Variants in GLB1L3 observed in about 807,000 individuals in gnomAD.
GLB1L3 encodes the protein beta-galactosidase-1-like protein 3.
In GLB1L3, 89 loss-of-function variants were observed where a neutral mutation model predicts 89.5. The observed-to-expected ratio is 0.99, with a 90% CI of 0.84 to 1.19. The LOEUF (loss-of-function observed/expected upper bound fraction) is 1.19, where lower values mean the gene tolerates loss of function less well. Ranked by LOEUF, GLB1L3 falls within the 50% of genes most tolerant of loss-of-function variation. The pLI, the probability that GLB1L3 is intolerant of heterozygous loss-of-function variation, is 0.00. For synonymous variants in GLB1L3, 314 were observed against 312.3 expected (o/e 1.01, Z -0.06); for missense variants, 812 against 813.3 (o/e 1.00, Z 0.02).
At position 134,283,785 on chromosome 11, in the gene GLB1L3, C is replaced by T. The variant is rs200592634; in HGVS notation, c.576C>T (p.Ser192=). 3.7e-6 allele frequency: 6 copies of T among 1,613,236 alleles called. No homozygotes were observed. The highest frequency in any genetic ancestry group is 1.7e-5 in the Admixed American group (1 of 59,950). ...PRLLLRTTNK[S]FIEAVEKYFD... is the part of the protein sequence containing the mutation. Reference sequence around the variant, plus strand: ...TACTGTTGAGGACAACCAACAAGAGCTTCATTGAAGCAGTTGAGAAGTATT... The same window carrying T: ...TACTGTTGAGGACAACCAACAAGAGTTTCATTGAAGCAGTTGAGAAGTATT... The change falls in exon 6 of 20, where the codon AGC becomes AGT. Residue 192 remains serine (S), a synonymous_variant. Transcript: ENST00000431683.
rs541745058 is a variant in GLB1L3, at chr11:134,304,470, T to A, written c.877-2654T>A. On this transcript the variant is annotated intron_variant, in intron 9 of 19. Coordinates refer to ENST00000431683, the MANE Select transcript of GLB1L3 (RefSeq NM_001080407.3). ...ACACAAGTTATGTGTAATGCAAACT[T>A]CTTCTGTCTTACTTTCACATCTCCT... 2.6e-5 allele frequency among the ~76,000 whole-genome samples: 4 copies of A among 152,316 alleles called. No homozygotes were observed. In the East Asian group the frequency reaches 7.7e-4, roughly 29 times the overall value.
At chr11:134,320,171 T>G (rs1280376492), downstream of GLB1L3, among the ~76,000 whole-genome samples, 1 of 152,190 alleles carries the variant, frequency 6.6e-6, no homozygotes, top group Non-Finnish European at 1.5e-5. Flanking sequence ...ATCACCCTGT[T>G]AAATATAGTG....
At position 134,319,086 on chromosome 11, in the gene GLB1L3, C is replaced by G; in HGVS notation, c.*144C>G. 1 of 635,020 alleles carries G rather than the reference C, an allele frequency of 1.6e-6. No individual in the cohort carries two copies. The highest frequency in any genetic ancestry group is 1.9e-5 in the South Asian group (1 of 53,474). The allele number at this position is 635,020 out of a possible 1,614,324, so 39.3% of individuals were successfully genotyped here. On this transcript the variant is annotated 3_prime_UTR_variant, in exon 20 of 20. Coordinates refer to ENST00000431683, the MANE Select transcript of GLB1L3 (RefSeq NM_001080407.3). ...TCTCCTGCCTCAGCCTCCCCAGCAGCTGGGACTACAGGTGCACGCCACCAC... is the reference window on the plus strand; with the variant it reads ...TCTCCTGCCTCAGCCTCCCCAGCAGGTGGGACTACAGGTGCACGCCACCAC...
chr11:134,293,634 C>T (rs902015781), intron 9 of GLB1L3, among the ~76,000 whole-genome samples: 3 of 152,072 alleles, frequency 2.0e-5, no homozygotes, highest in African/African-American at 7.2e-5. Flanking sequence ...GTGGATTGAG[C>T]GGCTCCCACC....
intron 10 of GLB1L3, among the ~76,000 whole-genome samples, chr11:134,309,242 A>C (rs971993087): frequency 1.3e-5 from 2 of 152,236 alleles, no homozygotes; most frequent in East Asian, 1.9e-4. Flanking sequence ...TGGGATTGAC[A>C]AGATTCGGTG....
intron 9 of GLB1L3, among the ~76,000 whole-genome samples, chr11:134,295,534 T>G (rs894442699): frequency 6.6e-6 from 1 of 151,976 alleles, no homozygotes; most frequent in Non-Finnish European, 1.5e-5. Context: ...AAGTTTATAA[T>G]TTTTTTTGAT....
At chr11:134,281,711 G>A in intron 4 of GLB1L3, among the ~76,000 whole-genome samples, 1 of 98,290 alleles carries the variant, frequency 1.0e-5, no homozygotes, top group African/African-American at 3.1e-5. Context: ...GACTCTGCAT[G>A]GGGTCTGGCG....
At chr11:134,300,369 G>A (rs983752638) in intron 9 of GLB1L3, among the ~76,000 whole-genome samples, 2 of 140,342 alleles carry the variant, frequency 1.4e-5, no homozygotes, top group African/African-American at 5.5e-5. Context: ...GTCTTGCTCT[G>A]TCGCCCAGGC....
intron 9 of GLB1L3, among the ~76,000 whole-genome samples, chr11:134,294,596 T>C (rs963557337): frequency 1.3e-5 from 2 of 152,350 alleles, no homozygotes; most frequent in African/African-American, 4.8e-5. Flanking sequence ...TCCACAACCA[T>C]CACCAGAATC....
intron 16 of GLB1L3, 38 bp downstream of exon 16, chr11:134,313,512 A>G (rs761032665): frequency 8.7e-7 from 1 of 1,150,044 alleles, no homozygotes; most frequent in South Asian, 1.3e-5. Flanking sequence ...GTTGCTCAGA[A>G]CCGAAGACCC....
In GLB1L3 at chr11:134,291,998, A is replaced by G. The variant is rs984289260; in HGVS notation, c.730-134A>G. On this transcript the variant is annotated intron_variant, in intron 7 of 19. Coordinates refer to ENST00000431683, the MANE Select transcript of GLB1L3 (RefSeq NM_001080407.3). Reference sequence around the variant, plus strand: ...CTCTAAAAAAAATTTAAAATTAAAAAAGTAAAAACATATTTCTGACTGTGA... The same window carrying G: ...CTCTAAAAAAAATTTAAAATTAAAAGAGTAAAAACATATTTCTGACTGTGA... 6.1e-6 allele frequency: 4 copies of G among 659,986 alleles called. No individual in the cohort carries two copies. The African/African-American group carries it at 7.3e-5, about 12-fold the overall frequency. 40.9% of individuals were successfully genotyped at this position (659,986 alleles called of 1,614,324 possible). A position where few individuals can be genotyped will look rare whatever the true frequency, so the allele number is the denominator to read the frequency against.
intron 9 of GLB1L3, among the ~76,000 whole-genome samples, chr11:134,300,724 C>G (rs1405657628): frequency 6.6e-6 from 1 of 152,164 alleles, no homozygotes; most frequent in African/African-American, 2.4e-5. Flanking sequence ...CTTAACGTGC[C>G]CTCGCATGGT....
intron 10 of GLB1L3, among the ~76,000 whole-genome samples, chr11:134,307,409 G>A (rs775603359): frequency 1.3e-5 from 2 of 152,188 alleles, no homozygotes; most frequent in Non-Finnish European, 2.9e-5. Context: ...CAGAGTATAA[G>A]TTAGTGAGGT....
Position 134,310,608 on chromosome 11 carries a change from A to T in GLB1L3, c.1137A>T (p.Thr379=), listed in dbSNP as rs200424405. Residue 379 remains threonine (T), a synonymous_variant, in exon 12 of 20, where the codon ACA becomes ACT. Coordinates refer to ENST00000431683, the MANE Select transcript of GLB1L3 (RefSeq NM_001080407.3). ...TGCTCACGGAGGCTGGAGATTACAC[A>T]GAAAAATATCTGAAGCTTCAAAAAC... ...DAVLTEAGDY[T]EKYLKLQKLF... is the part of the protein sequence containing the mutation. 4.0e-5 allele frequency: 64 copies of T among 1,613,514 alleles called. No individual in the cohort carries two copies. The highest frequency in any genetic ancestry group is 5.1e-5 in the Non-Finnish European group (60 of 1,179,710).
intron 9 of GLB1L3, among the ~76,000 whole-genome samples, chr11:134,300,457 C>T (rs1276944262): frequency 1.3e-5 from 2 of 151,906 alleles, no homozygotes; most frequent in Non-Finnish European, 2.9e-5. Context: ...CTCAGCCTCC[C>T]GAGTAGCTGG....
chr11:134,311,293 A>T (rs749335713), intron 13 of GLB1L3, 123 bp downstream of exon 13: 1 of 780,104 alleles, frequency 1.3e-6, no homozygotes, highest in Admixed American at 1.9e-5. Flanking sequence ...CAAATTTAGA[A>T]CTGTGGGACA....
intron 9 of GLB1L3, among the ~76,000 whole-genome samples, chr11:134,298,177 A>T (rs952942493): frequency 1.3e-5 from 2 of 151,918 alleles, no homozygotes; most frequent in Non-Finnish European, 2.9e-5. Flanking sequence ...CTTAAAATTT[A>T]TCCTGCTTGG....
intron 9 of GLB1L3, among the ~76,000 whole-genome samples, chr11:134,304,415 A>T (rs576219707): frequency 1.8e-4 from 27 of 152,264 alleles, no homozygotes; most frequent in East Asian, 1.3e-3. Flanking sequence ...ATGTTAAAAA[A>T]TTTTTTTATT....
At position 134,313,393 on chromosome 11, in the gene GLB1L3, C is replaced by A. The variant is rs759595046; in HGVS notation, c.1501-3C>A. ...GTCTCCATGACCTGGCCTGTCCCAGCAGGACTGCCGATACCTGAGGATCCT... is the reference window on the plus strand; with the variant it reads ...GTCTCCATGACCTGGCCTGTCCCAGAAGGACTGCCGATACCTGAGGATCCT... On this transcript the variant is annotated splice_region_variant and splice_polypyrimidine_tract_variant and intron_variant, in intron 15 of 19. Coordinates refer to ENST00000431683, the MANE Select transcript of GLB1L3 (RefSeq NM_001080407.3). 6 of 1,575,144 alleles carry A rather than the reference C, an allele frequency of 3.8e-6. No individual in the cohort carries two copies. Among genetic ancestry groups the A allele is most frequent in the Non-Finnish European group, 4.3e-6 (5 of 1,160,204 alleles).
Sources: allele counts gnomAD v4.1 joint callset (sites outside exome capture counted in the v4.1 genomes callset), GRCh38; gene constraint gnomAD v4.1.1; transcripts MANE v1.5; gene names NCBI Gene and HGNC (gene_info 2026-07-23, HGNC 2026-07-21).